PLAAT3: variants seen among roughly 807,000 people sequenced by gnomAD.
PLAAT3 encodes the protein Ca-independent phospholipase A1/2.
In PLAAT3, 21 loss-of-function variants were observed where a neutral mutation model predicts 16.7. That is an observed-to-expected ratio of 1.26 (90% CI 0.89 to 1.81). PLAAT3 has a LOEUF of 1.81. PLAAT3 is among the 40% of genes most tolerant of loss of function. PLAAT3 has a pLI of 0.00. For synonymous variants in PLAAT3, 76 were observed against 81.7 expected (o/e 0.93, Z 0.38); for missense variants, 219 against 213.7 (o/e 1.02, Z -0.16).
chr11:63,598,675 C>T, intron 2 of PLAAT3: 1 of 518,134 alleles, frequency 1.9e-6, no homozygotes, highest in Non-Finnish European at 3.9e-6. Context: ...TCAGGAAACA[C>T]CACCAGTTAT....
intron 2 of PLAAT3, among the ~76,000 whole-genome samples, chr11:63,602,221 C>A (rs1467722756): frequency 6.7e-6 from 1 of 149,554 alleles, no homozygotes; most frequent in Non-Finnish European, 1.5e-5. Context: ...ACCCAGGAGG[C>A]GGAGGTTGCA....
At chr11:63,614,250 T>C in intron 1 of PLAAT3, 135 bp downstream of exon 1, 1 of 587,670 alleles carries the variant, frequency 1.7e-6, no homozygotes, top group Non-Finnish European at 3.0e-6. Context: ...AGGCTGCAGG[T>C]GCCAGCGGGC....
In PLAAT3 at chr11:63,614,011, G is replaced by A. The variant is rs1392963052; in HGVS notation, c.4C>T (p.Arg2Cys). The A allele has an allele frequency of 6.3e-7, 1 of 1,593,810 alleles. No homozygotes were observed. The highest frequency in any genetic ancestry group is 8.6e-7 in the Non-Finnish European group (1 of 1,161,650). Reference protein sequence around the residue: MRAPIPEPKPGD... With the variant: MCAPIPEPKPGD... ...CGCCCCGCACTTACAATGGGCGCAC[G>A]CATCTTCCCTCGCGGTGTGGACCCT... The change falls in exon 2 of 5, where the codon CGT (arginine) becomes TGT (cysteine). Residue 2 changes from arginine to cysteine, a missense_variant. Physicochemically the swap from Arg to Cys is radical, Grantham distance 180 (BLOSUM62 -3). Transcript: ENST00000415826.
chr11:63,601,412 A>C (rs1938425517), intron 2 of PLAAT3, among the ~76,000 whole-genome samples: 1 of 138,986 alleles, frequency 7.2e-6, no homozygotes, highest in Non-Finnish European at 1.6e-5. Flanking sequence ...TTTTTTTTTG[A>C]CATTCAGCCA....
chr11:63,590,195 C>G lies in PLAAT3; in HGVS notation c.292G>C (p.Glu98Gln), dbSNP rs753194885. The stretch of plus-strand genomic sequence containing the variant: ...TAGAGCACCTCCTGCCCCACCAGCT[C>G]CTCCGCCCGCTGGATGATTTTGCTG... ...PCSKIIQRAE[E>Q]LVGQEVLYKL... Residue 98 changes from glutamate to glutamine, a missense_variant, in exon 4 of 5, where the codon GAG becomes CAG. Glu to Gln is a conservative substitution (Grantham distance 29). Coordinates refer to ENST00000415826, the MANE Select transcript of PLAAT3 (RefSeq NM_001128203.2). 6.2e-7 allele frequency: 1 copy of G among 1,614,214 alleles called. No individual in the cohort carries two copies. Among genetic ancestry groups the G allele is most frequent in the South Asian group, 1.1e-5 (1 of 91,086 alleles).
At chr11:63,594,417 G>A (rs570993724) in intron 3 of PLAAT3, among the ~76,000 whole-genome samples, 2 of 152,200 alleles carry the variant, frequency 1.3e-5, no homozygotes, top group East Asian at 3.9e-4. Context: ...GGCCCAGAGG[G>A]AGAGGAAGAA....
Position 63,613,985 on chromosome 11 carries a change from TCG to T in PLAAT3, c.15+13_15+14del. ...GCTCCCAGCCCCGCCCAGCCCCGCC[TCG>T]CCCCGCACTTACAATGGGCGCACGC... On this transcript the variant is annotated intron_variant, in intron 2 of 4. Transcript: ENST00000415826. 2 of 1,236,294 alleles carry T rather than the reference TCG, an allele frequency of 1.6e-6. No individual in the cohort carries two copies. Among genetic ancestry groups the T allele is most frequent in the Non-Finnish European group, 2.4e-6 (2 of 835,950 alleles). The allele number at this position is 1,236,294 out of a possible 1,614,324, so 76.6% of individuals were successfully genotyped here. A position where few individuals can be genotyped will look rare whatever the true frequency, so the allele number is the denominator to read the frequency against.
Position 63,606,425 on chromosome 11 carries a change from AACAC to A in PLAAT3, c.15+7571_15+7574del, listed in dbSNP as rs34044017. Among the ~76,000 whole-genome samples, 1,049 of 140,124 alleles carry A rather than the reference AACAC, an allele frequency of 7.5e-3. 9 individuals are homozygous for A. Among genetic ancestry groups the A allele is most frequent in the East Asian group, 0.032 (151 of 4,774 alleles). The allele number at this position is 140,124 out of a possible 152,430, so 91.9% of individuals were successfully genotyped here. Reference sequence around the variant, plus strand: ...TGGCAAAACCCCGTCTCTACTATAAAACACACACACACACACACACACACACACA... The same window carrying A: ...TGGCAAAACCCCGTCTCTACTATAAAACACACACACACACACACACACACA... On this transcript the variant is annotated intron_variant, in intron 2 of 4. Coordinates refer to ENST00000415826, the MANE Select transcript of PLAAT3 (RefSeq NM_001128203.2).
upstream of PLAAT3, among the ~76,000 whole-genome samples, chr11:63,615,074 ATG>A (rs1239693027): frequency 6.1e-5 from 4 of 66,042 alleles, 1 homozygote; most frequent in African/African-American, 1.6e-4. Flanking sequence ...GTGTGTATAT[ATG>A]TGTGTATATA....
intron 2 of PLAAT3, among the ~76,000 whole-genome samples, chr11:63,611,964 C>T (rs901922510): frequency 6.6e-6 from 1 of 152,040 alleles, no homozygotes; most frequent in Non-Finnish European, 1.5e-5. Flanking sequence ...CATGGAGAAA[C>T]CCTGTCTCTA....
At chr11:63,609,556 C>A (rs183073723) in intron 2 of PLAAT3, among the ~76,000 whole-genome samples, 26 of 152,312 alleles carry the variant, frequency 1.7e-4, no homozygotes, top group Admixed American at 5.2e-4. Flanking sequence ...CTTATGCCTA[C>A]GAGAGGGTTG....
chr11:63,615,046 A>ATATATATATATGTG (rs1555047787), upstream of PLAAT3, among the ~76,000 whole-genome samples: 1 of 13,304 alleles, frequency 7.5e-5, no homozygotes, highest in Non-Finnish European at 1.6e-3. Flanking sequence ...ATATATGTAT[A>ATATATATATATGTG]TATATGTGTA....
At position 63,613,984 on chromosome 11, in the gene PLAAT3, C is replaced by CAT; in HGVS notation, c.15+15_15+16insAT. 1.9e-6 allele frequency: 3 copies of CAT among 1,555,950 alleles called. No individual in the cohort carries two copies. Among genetic ancestry groups the CAT allele is most frequent in the Non-Finnish European group, 2.7e-6 (3 of 1,127,424 alleles). On this transcript the variant is annotated intron_variant, in intron 2 of 4. Coordinates refer to ENST00000415826, the MANE Select transcript of PLAAT3 (RefSeq NM_001128203.2). ...GGCTCCCAGCCCCGCCCAGCCCCGC[C>CAT]TCGCCCCGCACTTACAATGGGCGCA... is the stretch of plus-strand genomic sequence containing the variant.
At chr11:63,585,848 A>C (rs1426166775) in intron 4 of PLAAT3, among the ~76,000 whole-genome samples, 1 of 152,210 alleles carries the variant, frequency 6.6e-6, no homozygotes. Context: ...TATTGTTTAC[A>C]AAAAGAATAA....
At chr11:63,606,457 C>CAT (rs1218324604) in intron 2 of PLAAT3, among the ~76,000 whole-genome samples, 1 of 151,988 alleles carries the variant, frequency 6.6e-6, no homozygotes, top group East Asian at 1.9e-4. Flanking sequence ...CACACACACA[C>CAT]ACACACCTTA....
At chr11:63,610,570 G>T (rs1022105435) in intron 2 of PLAAT3, among the ~76,000 whole-genome samples, 3 of 152,146 alleles carry the variant, frequency 2.0e-5, no homozygotes, top group Non-Finnish European at 2.9e-5. Flanking sequence ...AAGGCCTGAA[G>T]CCCCAACTGC....
chr11:63,597,095 TA>T (rs1165573525), intron 3 of PLAAT3, among the ~76,000 whole-genome samples: 475 of 137,226 alleles, frequency 3.5e-3, no homozygotes, highest in Middle Eastern at 3.8e-3. Flanking sequence ...AAACTCCATC[TA>T]AAAAAAAAAA....
At chr11:63,597,176 G>T (rs1036161935) in intron 3 of PLAAT3, among the ~76,000 whole-genome samples, 8 of 151,972 alleles carry the variant, frequency 5.3e-5, no homozygotes, top group African/African-American at 1.9e-4. Flanking sequence ...CTTCTGCCAT[G>T]ATGGTAAGTT....
upstream of PLAAT3, among the ~76,000 whole-genome samples, chr11:63,615,314 G>A (rs770079349): frequency 0.49 from 20,323 of 41,222 alleles, 9,538 homozygotes; most frequent in Non-Finnish European, 0.69. Context: ...ATATATGTGT[G>A]TATATATGTG....
Sources: allele counts gnomAD v4.1 joint callset (sites outside exome capture counted in the v4.1 genomes callset), GRCh38; gene constraint gnomAD v4.1.1; transcripts MANE v1.5; gene names NCBI Gene and HGNC (gene_info 2026-07-23, HGNC 2026-07-21).